CACNA2D2: variants seen among roughly 807,000 people sequenced by gnomAD.
CACNA2D2 encodes the protein calcium voltage-gated channel auxiliary subunit alpha2delta 2.
Under a neutral mutation model 166.4 loss-of-function variants are expected in CACNA2D2, and 48 were observed. The observed-to-expected ratio is 0.29, with a 90% confidence interval of 0.23 to 0.37. The LOEUF (loss-of-function observed/expected upper bound fraction) is 0.37, where lower values mean the gene tolerates loss of function less well. Ranked by LOEUF, CACNA2D2 falls within the 10% of genes least tolerant of loss-of-function variation. The probability of loss-of-function intolerance (pLI) is 1.00; values close to 1 mark genes in which losing one functional copy is unlikely to be tolerated. For synonymous variants in CACNA2D2, 561 were observed against 573.7 expected, an observed-to-expected ratio of 0.98 and a Z score of 0.32; for missense variants, 1,122 against 1,433.0, an observed-to-expected ratio of 0.78 and a Z score of 3.50.
Position 50,366,792 on chromosome 3 carries a change from G to T in CACNA2D2, c.2589+39C>A. ...GGGGGTTCCAGGGGACTCCAGGAAGGGCACTGCTGGGTTACTGCCCCCGCC... is the reference window on the plus strand; with the variant it reads ...GGGGGTTCCAGGGGACTCCAGGAAGTGCACTGCTGGGTTACTGCCCCCGCC... On this transcript the variant is annotated intron_variant, in intron 29 of 37. Coordinates refer to ENST00000424201, the MANE Select transcript of CACNA2D2 (RefSeq NM_006030.4). This position sits in a 1 kb window ranked among gnomAD's most constrained non-coding sequence, Gnocchi z 5.9. The T allele has an allele frequency of 6.3e-7, 1 of 1,597,154 alleles. No homozygotes were observed. The highest frequency in any genetic ancestry group is 8.6e-7 in the Non-Finnish European group (1 of 1,167,514).
Position 50,363,495 on chromosome 3 carries a change from G to C in CACNA2D2, c.*1171C>G. 1 of 383,100 alleles carries C rather than the reference G, an allele frequency of 2.6e-6. No individual in the cohort carries two copies. Among genetic ancestry groups the C allele is most frequent in the Non-Finnish European group, 4.6e-6 (1 of 216,938 alleles). The allele number at this position is 383,100 out of a possible 1,614,324, so 23.7% of individuals were successfully genotyped here. On this transcript the variant is annotated 3_prime_UTR_variant, in exon 38 of 38. Transcript: ENST00000424201. Reference sequence around the variant, plus strand: ...GTGTGTGTGTGTGTGTGTGTGTTCAGCAAGGGAGGGACAGTTTGGCCTCCT... The same window carrying C: ...GTGTGTGTGTGTGTGTGTGTGTTCACCAAGGGAGGGACAGTTTGGCCTCCT...
At chr3:50,432,292 G>A (rs959843291) in intron 3 of CACNA2D2, among the ~76,000 whole-genome samples, 1 of 152,226 alleles carries the variant, frequency 6.6e-6, no homozygotes, top group African/African-American at 2.4e-5. Context: ...ACGCATGGAG[G>A]GTGGGTCAGG....
chr3:50,368,558 C>T (rs1370622989), intron 23 of CACNA2D2, among the ~76,000 whole-genome samples: 1 of 152,208 alleles, frequency 6.6e-6, no homozygotes, highest in Non-Finnish European at 1.5e-5. Flanking sequence ...AAATGCCTGG[C>T]GGCCTGCTCA....
chr3:50,492,545 G>A (rs767677437), intron 1 of CACNA2D2, among the ~76,000 whole-genome samples: 3 of 152,196 alleles, frequency 2.0e-5, no homozygotes, highest in Non-Finnish European at 4.4e-5. Flanking sequence ...TGTACCACAC[G>A]GGAGTTAAAC....
At chr3:50,387,980 G>C (rs910369684) in intron 4 of CACNA2D2, among the ~76,000 whole-genome samples, 1 of 152,226 alleles carries the variant, frequency 6.6e-6, no homozygotes, top group African/African-American at 2.4e-5. Flanking sequence ...AGTTTGGGCA[G>C]GAGGGAAATA....
Position 50,364,039 on chromosome 3 carries a change from G to A in CACNA2D2, c.*627C>T, listed in dbSNP as rs1486188491. 6.5e-6 allele frequency: 1 copy of A among 153,136 alleles called. No individual in the cohort carries two copies. The highest frequency in any genetic ancestry group is 2.4e-5 in the African/African-American group (1 of 41,448). 9.5% of individuals were successfully genotyped at this position (153,136 alleles called of 1,614,324 possible). A position where few individuals can be genotyped will look rare whatever the true frequency, so the allele number is the denominator to read the frequency against. On this transcript the variant is annotated 3_prime_UTR_variant, in exon 38 of 38. Transcript: ENST00000424201. ...GTGCCCAGTGGGGTATGTCGAATGT[G>A]AGTCCAGTTTCCATCCTCAATGTTC...
intron 2 of CACNA2D2, among the ~76,000 whole-genome samples, chr3:50,455,095 G>A (rs76195050): frequency 6.6e-6 from 1 of 152,166 alleles, no homozygotes; most frequent in Non-Finnish European, 1.5e-5. Flanking sequence ...GCCCTCTCTG[G>A]GCCTTGGTTT....
At chr3:50,371,564 C>T (rs1229638852) in intron 22 of CACNA2D2, among the ~76,000 whole-genome samples, 1 of 152,176 alleles carries the variant, frequency 6.6e-6, no homozygotes, top group East Asian at 1.9e-4. Context: ...TCTGAGCTCT[C>T]TTTTGCTCCC....
chr3:50,493,587 C>A (rs1698604273), intron 1 of CACNA2D2, among the ~76,000 whole-genome samples: 1 of 152,236 alleles, frequency 6.6e-6, no homozygotes, highest in East Asian at 1.9e-4. Flanking sequence ...GCATCACACA[C>A]CTGTTGGCTC....
Position 50,366,064 on chromosome 3 carries a change from A to G in CACNA2D2, c.2809T>C (p.Cys937Arg). The G allele has an allele frequency of 6.2e-7, 1 of 1,613,766 alleles. No homozygotes were observed. Among genetic ancestry groups the G allele is most frequent in the Non-Finnish European group, 8.5e-7 (1 of 1,179,960 alleles). Residue 937 changes from cysteine to arginine, a missense_variant, in exon 32 of 38, where the codon TGT becomes CGT. This residue lies in a region of CACNA2D2 where 840 missense variants were observed against 1,166.8 expected (regional missense o/e 0.72). Transcript: ENST00000424201. This position sits in a 1 kb window ranked among gnomAD's most constrained non-coding sequence, Gnocchi z 5.9. ...RKESYDYQAA[C>R]APQPPGNLGA... ...AGGTTGCCAGGGGGCTGAGGGGCAC[A>G]GGCTGCCTGATAGTCATAGGACTCC...
chr3:50,367,673 C>T lies in CACNA2D2; in HGVS notation c.2266G>A (p.Asp756Asn). ...YSLLAVFAAT[D>N]GGITRVFPNK... is the part of the protein sequence containing the mutation. ...GGGAAGACTCGGGTGATGCCACCGT[C>T]TGTGGCAGCGAACACGGCCAGTAGG... is the stretch of plus-strand genomic sequence containing the variant. Residue 756 changes from aspartate (D) to asparagine (N), a missense_variant, in exon 26 of 38, where the codon GAC (aspartate) becomes AAC (asparagine). Coordinates refer to ENST00000424201, the MANE Select transcript of CACNA2D2 (RefSeq NM_006030.4). The surrounding 1 kb of genome is among the most constrained non-coding windows in gnomAD (Gnocchi z 6.5). 6.2e-7 allele frequency: 1 copy of T among 1,612,384 alleles called. No homozygotes were observed. The highest frequency in any genetic ancestry group is 8.5e-7 in the Non-Finnish European group (1 of 1,178,940).
chr3:50,409,825 G>A (rs1306736956), intron 3 of CACNA2D2, among the ~76,000 whole-genome samples: 3 of 152,208 alleles, frequency 2.0e-5, no homozygotes, highest in African/African-American at 7.2e-5. Flanking sequence ...AGCGTGGAGT[G>A]GGAGACACTG....
intron 3 of CACNA2D2, among the ~76,000 whole-genome samples, chr3:50,397,911 G>A (rs1706239694): frequency 6.6e-6 from 1 of 152,194 alleles, no homozygotes; most frequent in Non-Finnish European, 1.5e-5. Flanking sequence ...GGCCCAGGCT[G>A]AGCACCCAGA....
At position 50,375,871 on chromosome 3, in the gene CACNA2D2, T is replaced by G. The variant is rs147739443; in HGVS notation, c.1783A>C (p.Ser595Arg). Reference protein sequence around the residue: ...EDENKEEIRRSMIDGNKGHKQ... With the variant: ...EDENKEEIRRRMIDGNKGHKQ... ...TGGCCCTTGTTGCCATCAATCATGCTCCGACGGATCTGGAAGGGCCAGAGA... is the reference window on the plus strand; with the variant it reads ...TGGCCCTTGTTGCCATCAATCATGCGCCGACGGATCTGGAAGGGCCAGAGA... Residue 595 changes from serine to arginine, a missense_variant, in exon 20 of 38, where the codon AGC becomes CGC. This residue lies in a region of CACNA2D2 where 840 missense variants were observed against 1,166.8 expected (regional missense o/e 0.72). Transcript: ENST00000424201. The surrounding 1 kb of genome is among the most constrained non-coding windows in gnomAD (Gnocchi z 4.0). The G allele has an allele frequency of 3.1e-6, 5 of 1,613,002 alleles. No individual in the cohort carries two copies. The South Asian group carries it at 5.5e-5, about 18-fold the overall frequency.
intron 2 of CACNA2D2, among the ~76,000 whole-genome samples, chr3:50,460,647 G>C (rs1328622435): frequency 6.6e-6 from 1 of 152,052 alleles, no homozygotes; most frequent in African/African-American, 2.4e-5. Context: ...AAGGTCAGGA[G>C]ATCGAGACCA....
In CACNA2D2 at chr3:50,477,213, G is replaced by A. The variant is rs929364249; in HGVS notation, c.207-1014C>T. 4.6e-5 allele frequency among the ~76,000 whole-genome samples: 7 copies of A among 151,924 alleles called. No homozygotes were observed. In the East Asian group the frequency reaches 7.8e-4, roughly 17 times the overall value. On this transcript the variant is annotated intron_variant, in intron 1 of 37. Coordinates refer to ENST00000424201, the MANE Select transcript of CACNA2D2 (RefSeq NM_006030.4). ...CAAAGTGCTGGGATTATAGGCATGA[G>A]CCACCGTGCCCGGCCCACCCTGGGA... is the stretch of plus-strand genomic sequence containing the variant.
chr3:50,388,287 T>G (rs1000881797), intron 4 of CACNA2D2, among the ~76,000 whole-genome samples: 1 of 152,218 alleles, frequency 6.6e-6, no homozygotes, highest in Admixed American at 6.5e-5. Flanking sequence ...TCATGTGTAA[T>G]GATCTTTAAT....
At chr3:50,451,798 C>T (rs780715062) in intron 2 of CACNA2D2, among the ~76,000 whole-genome samples, 12 of 152,194 alleles carry the variant, frequency 7.9e-5, no homozygotes, top group Non-Finnish European at 1.6e-4. Flanking sequence ...CAAGCTCACA[C>T]TGTGTCTCAG....
intron 3 of CACNA2D2, chr3:50,415,856 T>A (rs934390162): frequency 1.3e-5 from 2 of 152,276 alleles, no homozygotes; most frequent in Non-Finnish European, 2.9e-5. Flanking sequence ...ATGTCTACTA[T>A]GCTATATTCT....
Sources: gnomAD v4.1 joint callset for allele counts (sites outside exome capture counted in the v4.1 genomes callset) on GRCh38, gnomAD v4.1.1 for gene constraint, gnomAD v4.1.1 regional missense constraint, Gnocchi (gnomAD v3.1) non-coding constraint, MANE v1.5 for transcripts, NCBI Gene and HGNC (gene_info 2026-07-23, HGNC 2026-07-21) for gene names.